Variants in ABCB7 observed in about 807,000 individuals in gnomAD.
The protein encoded by ABCB7 is ATP binding cassette subfamily B member 7.
A neutral mutation model predicts 54.4 loss-of-function variants in ABCB7; 7 were observed. The observed-to-expected ratio is 0.13, with a 90% CI of 0.07 to 0.24. ABCB7 has a LOEUF of 0.24. Among genes scored for constraint, ABCB7 ranks in the 10% least tolerant of loss-of-function variants. The probability of loss-of-function intolerance (pLI) is 1.00; values close to 1 mark genes in which losing one functional copy is unlikely to be tolerated. For missense variants in ABCB7, 356 were observed against 570.4 expected, an observed-to-expected ratio of 0.62 and a Z score of 3.83; for synonymous variants, 218 against 207.1, an observed-to-expected ratio of 1.05 and a Z score of -0.45.
intron 4 of ABCB7, among the ~76,000 whole-genome samples, chrX:75,092,686 A>G (rs2081554487): frequency 8.9e-6 from 1 of 112,060 alleles, no homozygotes; most frequent in South Asian, 3.7e-4. Flanking sequence ...ATTTGTATCC[A>G]AAATTACAAA....
At chrX:75,129,217 C>A (rs1357917417) in intron 1 of ABCB7, among the ~76,000 whole-genome samples, 2 of 111,894 alleles carry the variant, frequency 1.8e-5, no homozygotes, top group Non-Finnish European at 3.8e-5. Flanking sequence ...CAATGATACA[C>A]TGGATAAACA....
rs573186502 is a variant in ABCB7, at chrX:75,078,154, C to T, written c.454-1500G>A. Among the ~76,000 whole-genome samples the T allele has an allele frequency of 2.7e-5, 3 of 109,634 alleles. No individual in the cohort carries two copies. The East Asian group carries it at 8.6e-4, about 32-fold the overall frequency. ...GTCTCAAACTCCTGACCTTGTGATC[C>T]GCCCGCCTCGGCCTCCCAAAGTGCT... is the stretch of plus-strand genomic sequence containing the variant. On this transcript the variant is annotated intron_variant, in intron 4 of 15. Transcript: ENST00000373394.
At chrX:75,136,495 A>C (rs1436025843) in intron 1 of ABCB7, among the ~76,000 whole-genome samples, 1 of 111,984 alleles carries the variant, frequency 8.9e-6, no homozygotes, top group Non-Finnish European at 1.9e-5. Context: ...AAACATTCTA[A>C]AATTAATTCG....
chrX:75,093,734 ACTT>A (rs2081562843), intron 4 of ABCB7, among the ~76,000 whole-genome samples: 1 of 92,963 alleles, frequency 1.1e-5, no homozygotes, highest in African/African-American at 3.8e-5. Flanking sequence ...TTTTCTGTAA[ACTT>A]AAAACTTCTC....
chrX:75,122,325 T>C (rs2081885546), intron 1 of ABCB7, among the ~76,000 whole-genome samples: 1 of 110,744 alleles, frequency 9.0e-6, no homozygotes, highest in African/African-American at 3.3e-5. Flanking sequence ...TATGGCAACA[T>C]CGGGAAGTTA....
At chrX:75,061,738 T>A (rs1323749458) in intron 14 of ABCB7, among the ~76,000 whole-genome samples, 8 of 112,202 alleles carry the variant, frequency 7.1e-5, no homozygotes, top group African/African-American at 9.7e-5. Context: ...GACTTTTGTA[T>A]GTAATGTAAA....
intron 3 of ABCB7, 89 bp downstream of exon 3, chrX:75,112,797 T>C (rs1475818739): frequency 2.7e-6 from 2 of 734,888 alleles, no homozygotes; most frequent in African/African-American, 2.1e-5. Flanking sequence ...TCAATCAAAA[T>C]ATTCTAGGAT....
intron 4 of ABCB7, among the ~76,000 whole-genome samples, chrX:75,088,520 G>A (rs1452737638): frequency 8.9e-6 from 1 of 111,775 alleles, no homozygotes; most frequent in Non-Finnish European, 1.9e-5. Context: ...AATGAAGAAC[G>A]TCTTTGATAG....
intron 3 of ABCB7, among the ~76,000 whole-genome samples, chrX:75,101,609 C>A (rs1391922488): frequency 1.8e-5 from 2 of 111,109 alleles, no homozygotes; most frequent in Non-Finnish European, 3.8e-5. Context: ...ATTCCCTTTC[C>A]CAATAGAACT....
At chrX:75,071,708 T>C (rs2081365022) in intron 8 of ABCB7, 25 bp from the exon 9 acceptor site, 3 of 997,980 alleles carry the variant, frequency 3.0e-6, no homozygotes, top group Non-Finnish European at 4.1e-6. Context: ...AAAATAACTA[T>C]AGGCAAGTAT....
chrX:75,131,878 C>A (rs1279329579), intron 1 of ABCB7, among the ~76,000 whole-genome samples: 1 of 111,483 alleles, frequency 9.0e-6, no homozygotes, highest in African/African-American at 3.3e-5. Context: ...CAACCCATAT[C>A]CCTTCTGCCA....
intron 4 of ABCB7, among the ~76,000 whole-genome samples, chrX:75,081,022 C>G (rs990935589): frequency 1.8e-5 from 2 of 111,492 alleles, no homozygotes; most frequent in Admixed American, 9.5e-5. Flanking sequence ...CAAGTAGGAA[C>G]CTGGATTCTC....
intron 15 of ABCB7, among the ~76,000 whole-genome samples, chrX:75,055,611 G>C (rs1389302917): frequency 5.1e-5 from 5 of 97,910 alleles, no homozygotes; most frequent in African/African-American, 1.9e-4. Flanking sequence ...AAACTGAACA[G>C]TGATACGATA....
At chrX:75,137,062 A>G (rs748368397) in intron 1 of ABCB7, among the ~76,000 whole-genome samples, 5 of 112,358 alleles carry the variant, frequency 4.5e-5, no homozygotes, top group Non-Finnish European at 7.5e-5. Flanking sequence ...GAGCTGCTGT[A>G]CAGCAAAAGA....
chrX:75,131,498 C>T (rs1226747567), intron 1 of ABCB7, among the ~76,000 whole-genome samples: 1 of 111,244 alleles, frequency 9.0e-6, no homozygotes, highest in Non-Finnish European at 1.9e-5. Context: ...CAAATTCTCA[C>T]ACTAACAACA....
At chrX:75,148,609 T>C (rs914360291) in intron 1 of ABCB7, among the ~76,000 whole-genome samples, 1 of 111,267 alleles carries the variant, frequency 9.0e-6, no homozygotes, top group African/African-American at 3.3e-5. Flanking sequence ...TAAAGTTCAA[T>C]GAGGTCATTA....
At chrX:75,149,557 A>G (rs1203113180) in intron 1 of ABCB7, among the ~76,000 whole-genome samples, 1 of 111,942 alleles carries the variant, frequency 8.9e-6, no homozygotes, top group Non-Finnish European at 1.9e-5. Flanking sequence ...GTTTGGTTAT[A>G]GAGTTTAATC....
intron 1 of ABCB7, among the ~76,000 whole-genome samples, chrX:75,146,456 T>C (rs1199116370): frequency 8.9e-6 from 1 of 111,964 alleles, no homozygotes; most frequent in Non-Finnish European, 1.9e-5. Flanking sequence ...CGCATGGTAC[T>C]GGTACAAAAA....
chrX:75,154,832 G>C (rs981678884), intron 1 of ABCB7, among the ~76,000 whole-genome samples: 1 of 93,912 alleles, frequency 1.1e-5, no homozygotes, highest in Admixed American at 1.3e-4. Context: ...TTTCCCACTA[G>C]ATTTTAAGCT....
Sources: allele counts gnomAD v4.1 joint callset (sites outside exome capture counted in the v4.1 genomes callset), GRCh38; gene constraint gnomAD v4.1.1; transcripts MANE v1.5; gene names NCBI Gene and HGNC (gene_info 2026-07-23, HGNC 2026-07-21).